NEDD4: variants seen among roughly 807,000 people sequenced by gnomAD.
The protein encoded by NEDD4 is E3 ubiquitin-protein ligase NEDD4.
NEDD4 carries 99 observed loss-of-function variants against 144.9 expected under a neutral mutation model. The ratio of observed to expected loss-of-function variants is 0.68; its 90% confidence interval spans 0.58 to 0.81. NEDD4 has a LOEUF of 0.81. Ranked by LOEUF, NEDD4 falls within the 30% of genes least tolerant of loss-of-function variation. NEDD4 has a pLI of 0.00. For missense variants in NEDD4, 985 were observed against 1,065.9 expected, an observed-to-expected ratio of 0.92 and a Z score of 1.06; for synonymous variants, 318 against 350.6, an observed-to-expected ratio of 0.91 and a Z score of 1.04.
intron 2 of NEDD4, 146 bp downstream of exon 2, chr15:55,966,327 T>A (rs1204101583): frequency 1.8e-6 from 1 of 553,808 alleles, no homozygotes; most frequent in African/African-American, 2.0e-5. Context: ...CCAAGAGATT[T>A]AGTAAACCAC....
intron 4 of NEDD4, among the ~76,000 whole-genome samples, chr15:55,939,919 G>A (rs2036965071): frequency 6.6e-6 from 1 of 152,004 alleles, no homozygotes; most frequent in Admixed American, 6.6e-5. Context: ...GCCCTCCCAC[G>A]TTCATTACAG....
intron 12 of NEDD4, among the ~76,000 whole-genome samples, chr15:55,852,762 CAGAG>C (rs1319554544): frequency 7.0e-6 from 1 of 142,344 alleles, no homozygotes; most frequent in African/African-American, 2.7e-5. Context: ...GAGAGAGAGA[CAGAG>C]AGAGACAGGG....
At chr15:55,852,219 C>A (rs1018199949) in intron 13 of NEDD4, among the ~76,000 whole-genome samples, 13 of 151,708 alleles carry the variant, frequency 8.6e-5, no homozygotes, top group African/African-American at 3.1e-4. Context: ...TCGCTTGAAC[C>A]CAGGAGGCAG....
In NEDD4 at chr15:55,834,072, C is replaced by T. The variant is rs1250737453; in HGVS notation, c.2396G>A (p.Ser799Asn). ...CCACTGTATAACCTGATGATTTGCA[C>T]TGTAGCCATTTTTATACTTTGTATG... ...REHTKYKNGY[S>N]ANHQVIQWFW... Residue 799 changes from serine (S) to asparagine (N), a missense_variant, in exon 26 of 29, where the codon AGT (serine) becomes AAT (asparagine). Transcript: ENST00000435532. 3 of 1,613,504 alleles carry T rather than the reference C, an allele frequency of 1.9e-6. No individual in the cohort carries two copies. Among genetic ancestry groups the T allele is most frequent in the African/African-American group, 2.7e-5 (2 of 74,922 alleles).
intron 4 of NEDD4, among the ~76,000 whole-genome samples, chr15:55,933,187 C>T (rs1222740563): frequency 1.3e-5 from 2 of 152,012 alleles, no homozygotes; most frequent in African/African-American, 4.8e-5. Context: ...TGGGTATATA[C>T]CCAAAGGATT....
intron 17 of NEDD4, among the ~76,000 whole-genome samples, chr15:55,847,314 G>C (rs2033789446): frequency 6.6e-6 from 1 of 152,102 alleles, no homozygotes; most frequent in Non-Finnish European, 1.5e-5. Flanking sequence ...CTTCCAGGTA[G>C]AGAAATATTA....
At chr15:55,961,575 A>G (rs1267726984) in intron 2 of NEDD4, among the ~76,000 whole-genome samples, 2 of 151,940 alleles carry the variant, frequency 1.3e-5, no homozygotes, top group African/African-American at 4.8e-5. Context: ...GGTTCATATC[A>G]TTCTCCTGCC....
rs927601417 is a variant in NEDD4 at position 55,850,535 on chromosome 15, A to G, written c.1347+7T>C. ...TATAAATTTAAATGGAAAAGTATCA[A>G]AGTTACCCAGGTGGTGGTTTTAGTG... On this transcript the variant is annotated splice_region_variant and intron_variant, in intron 14 of 28. Coordinates refer to ENST00000435532, the MANE Select transcript of NEDD4 (RefSeq NM_006154.4). 3 of 1,613,656 alleles carry G rather than the reference A, an allele frequency of 1.9e-6. No homozygotes were observed. The highest frequency in any genetic ancestry group is 2.7e-5 in the African/African-American group (2 of 74,912).
intron 5 of NEDD4, chr15:55,916,463 G>C: frequency 6.2e-7 from 1 of 1,613,994 alleles, no homozygotes; most frequent in Non-Finnish European, 8.5e-7. Flanking sequence ...CAGCACTACT[G>C]TAAATACCAT....
At chr15:55,913,086 G>C (rs2036325549) in intron 5 of NEDD4, among the ~76,000 whole-genome samples, 1 of 152,078 alleles carries the variant, frequency 6.6e-6, no homozygotes, top group African/African-American at 2.4e-5. Context: ...TATAAGAAAA[G>C]AAGTTGTAGA....
chr15:55,881,313 G>A (rs1476615984), intron 5 of NEDD4, among the ~76,000 whole-genome samples: 1 of 151,800 alleles, frequency 6.6e-6, no homozygotes, highest in Non-Finnish European at 1.5e-5. Context: ...GCCTAATTTT[G>A]TATTTTTAGT....
At chr15:55,988,980 A>G (rs1317196019) in intron 1 of NEDD4, among the ~76,000 whole-genome samples, 2 of 152,208 alleles carry the variant, frequency 1.3e-5, no homozygotes, top group Non-Finnish European at 2.9e-5. Context: ...TCACGCCTAT[A>G]ATCCCAGCAC....
At chr15:55,902,937 G>A (rs182035240) in intron 5 of NEDD4, among the ~76,000 whole-genome samples, 238 of 152,220 alleles carry the variant, frequency 1.6e-3, no homozygotes, top group African/African-American at 5.6e-3. Flanking sequence ...GGAAGTGGAG[G>A]TTGCAGTGAA....
intron 2 of NEDD4, among the ~76,000 whole-genome samples, chr15:55,962,743 C>G (rs567318831): frequency 5.3e-5 from 8 of 151,992 alleles, no homozygotes; most frequent in African/African-American, 1.9e-4. Context: ...CGCACCCAGC[C>G]TCTTTTACTT....
At chr15:55,985,590 T>G (rs1333677224) in intron 1 of NEDD4, among the ~76,000 whole-genome samples, 2 of 152,150 alleles carry the variant, frequency 1.3e-5, no homozygotes, top group Admixed American at 1.3e-4. Context: ...AAAAGTCAAA[T>G]TTTTTCACTG....
At chr15:55,887,517 C>A (rs1209678139) in intron 5 of NEDD4, among the ~76,000 whole-genome samples, 2 of 152,074 alleles carry the variant, frequency 1.3e-5, no homozygotes, top group Non-Finnish European at 2.9e-5. Context: ...CAAGGAAAAG[C>A]CCAGCATCCA....
intron 12 of NEDD4, among the ~76,000 whole-genome samples, chr15:55,854,530 C>T (rs2034117841): frequency 6.6e-6 from 1 of 152,022 alleles, no homozygotes; most frequent in African/African-American, 2.4e-5. Flanking sequence ...AAGCCCACAC[C>T]CTACGAGTCC....
chr15:55,849,815 T>A (rs2414446), intron 14 of NEDD4, among the ~76,000 whole-genome samples: 1 of 149,558 alleles, frequency 6.7e-6, no homozygotes, highest in African/African-American at 2.4e-5. Flanking sequence ...TTTTTTGAGA[T>A]GGAGTCTCGC....
rs2033822192 is a variant in NEDD4, at chr15:55,848,041, C to CAT, written c.1542+330_1542+331insAT. ...GTGCTGCTGCTTCCTCATCCGCATA[C>CAT]ACTCTCTGCTCCTCTCTGATTTGTG... On this transcript the variant is annotated intron_variant, in intron 17 of 28. Transcript: ENST00000435532. Among the ~76,000 whole-genome samples the CAT allele has an allele frequency of 7.2e-5, 11 of 152,292 alleles. No homozygotes were observed. In the South Asian group the frequency reaches 2.3e-3, roughly 32 times the overall value.
Sources: gnomAD v4.1 joint callset for allele counts (sites outside exome capture counted in the v4.1 genomes callset) on GRCh38, gnomAD v4.1.1 for gene constraint, MANE v1.5 for transcripts, NCBI Gene and HGNC (gene_info 2026-07-23, HGNC 2026-07-21) for gene names.